The following FTCDNL1 variants were observed in gnomAD, a reference collection of about 807,000 sequenced individuals.
The protein encoded by FTCDNL1 is formiminotransferase cyclodeaminase N-terminal like.
A neutral mutation model predicts 5.9 loss-of-function variants in FTCDNL1; 11 were observed. The ratio of observed to expected loss-of-function variants is 1.87; its 90% CI spans 1.18 to 3.10. The LOEUF is 3.10. FTCDNL1 is among the 30% of genes most tolerant of loss of function. The pLI, the probability that FTCDNL1 is intolerant of heterozygous loss-of-function variation, is 0.00. For synonymous variants in FTCDNL1, 58 were observed against 24.8 expected (o/e 2.34, Z -3.99); for missense variants, 115 against 65.5 (o/e 1.76, Z -2.61).
At chr2:199,742,060 A>C in the FTCDNL1 span, among the ~76,000 whole-genome samples, 1 of 151,724 alleles carries the variant, frequency 6.6e-6, no homozygotes, top group African/African-American at 2.4e-5. Flanking sequence ...AGCAGACCCA[A>C]CTATTTGCTA....
the FTCDNL1 span, among the ~76,000 whole-genome samples, chr2:199,696,012 G>A: frequency 1.3e-5 from 2 of 152,204 alleles, no homozygotes; most frequent in Non-Finnish European, 2.9e-5. Flanking sequence ...AGCCTCAGGT[G>A]CCTAACTGGG....
the FTCDNL1 span, among the ~76,000 whole-genome samples, chr2:199,666,126 T>C: frequency 2.0e-5 from 3 of 152,342 alleles, no homozygotes; most frequent in African/African-American, 4.8e-5. Flanking sequence ...TAGGACCTAC[T>C]TCACAAGGAT....
At chr2:199,664,730 G>T in the FTCDNL1 span, among the ~76,000 whole-genome samples, 31 of 152,160 alleles carry the variant, frequency 2.0e-4, no homozygotes, top group Non-Finnish European at 3.5e-4. Context: ...AATTAATGGC[G>T]GAGCCAAGGC....
At chr2:199,705,700 G>A in the FTCDNL1 span, among the ~76,000 whole-genome samples, 4 of 152,170 alleles carry the variant, frequency 2.6e-5, no homozygotes, top group African/African-American at 9.6e-5. Flanking sequence ...GCTAGCTGTA[G>A]ATTGTGTGTA....
chr2:199,810,212 T>C lies in FTCDNL1; in HGVS notation c.*2493A>G, dbSNP rs1046603507. Among the ~76,000 whole-genome samples, 3 of 151,782 alleles carry C rather than the reference T, an allele frequency of 2.0e-5. No homozygotes were observed. Among genetic ancestry groups the C allele is most frequent in the Non-Finnish European group, 4.4e-5 (3 of 67,952 alleles). On this transcript the variant is annotated 3_prime_UTR_variant, in exon 5 of 5. Coordinates refer to ENST00000420128, the MANE Select transcript of FTCDNL1 (RefSeq NM_001363886.2). ...GGCCTAAGAGTCTCAGAGACAGGAG[T>C]AAATCACACCTCTGTACCCACCACT... is the stretch of plus-strand genomic sequence containing the variant.
chr2:199,725,315 A>G, the FTCDNL1 span, among the ~76,000 whole-genome samples: 3 of 152,274 alleles, frequency 2.0e-5, no homozygotes, highest in African/African-American at 4.8e-5. Context: ...CAGTACACCA[A>G]TGGGTCTTGA....
chr2:199,823,419 T>G (rs1282592035), intron 3 of FTCDNL1, among the ~76,000 whole-genome samples: 1 of 152,154 alleles, frequency 6.6e-6, no homozygotes, highest in Non-Finnish European at 1.5e-5. Flanking sequence ...TCCAGATCCA[T>G]CAGAGGAATC....
intron 3 of FTCDNL1, among the ~76,000 whole-genome samples, chr2:199,822,420 T>G (rs754088527): frequency 2.0e-5 from 3 of 152,016 alleles, no homozygotes; most frequent in Non-Finnish European, 4.4e-5. Flanking sequence ...AACCAAAAAC[T>G]TTTTTGCTAA....
chr2:199,700,290 C>T, the FTCDNL1 span, among the ~76,000 whole-genome samples: 1 of 152,148 alleles, frequency 6.6e-6, no homozygotes, highest in East Asian at 1.9e-4. Context: ...AGAATACAAT[C>T]CCATTTACAA....
At chr2:199,834,732 C>T in intron 3 of FTCDNL1, among the ~76,000 whole-genome samples, 1 of 152,212 alleles carries the variant, frequency 6.6e-6, no homozygotes, top group East Asian at 1.9e-4. Context: ...TATTATTTGT[C>T]ACGCTCTCCT....
intron 3 of FTCDNL1, among the ~76,000 whole-genome samples, chr2:199,783,763 C>A (rs1232531286): frequency 6.6e-6 from 1 of 151,970 alleles, no homozygotes; most frequent in East Asian, 1.9e-4. Context: ...TCTCTAGACA[C>A]ATTACATTGT....
At chr2:199,706,300 C>T in the FTCDNL1 span, among the ~76,000 whole-genome samples, 1 of 152,056 alleles carries the variant, frequency 6.6e-6, no homozygotes, top group South Asian at 2.1e-4. Flanking sequence ...GGGATGGAAA[C>T]CACAACATCC....
the FTCDNL1 span, among the ~76,000 whole-genome samples, chr2:199,696,554 C>T: frequency 6.6e-6 from 1 of 151,928 alleles, no homozygotes; most frequent in South Asian, 2.1e-4. Context: ...CCTTGGCCAC[C>T]TGAAATTGTG....
chr2:199,762,798 T>C lies in FTCDNL1; in HGVS notation c.212-1963A>G, dbSNP rs1002642919. Among the ~76,000 whole-genome samples the C allele has an allele frequency of 3.9e-5, 6 of 152,208 alleles. No homozygotes were observed. The East Asian group carries it at 1.2e-3, about 29-fold the overall frequency. On this transcript the variant is annotated intron_variant, in intron 3 of 3. Coordinates refer to the FTCDNL1 transcript ENST00000416668. ...TATCTATCATATAATTGTACATTTA[T>C]ATATAGTAGCATATTTCACCTTATA...
chr2:199,669,771 G>A, the FTCDNL1 span, among the ~76,000 whole-genome samples: 1 of 152,132 alleles, frequency 6.6e-6, no homozygotes, highest in African/African-American at 2.4e-5. Context: ...ATCCAGGAAT[G>A]AACTATTCTT....
the FTCDNL1 span, among the ~76,000 whole-genome samples, chr2:199,743,463 T>C: frequency 6.6e-6 from 1 of 152,278 alleles, no homozygotes; most frequent in African/African-American, 2.4e-5. Context: ...GTTATGCTTT[T>C]GTCTATCACT....
At chr2:199,781,841 G>A (rs575150613) in intron 3 of FTCDNL1, among the ~76,000 whole-genome samples, 21 of 152,026 alleles carry the variant, frequency 1.4e-4, no homozygotes, top group African/African-American at 3.9e-4. Flanking sequence ...ATGCAGTGGC[G>A]CCATCTCGGC....
At chr2:199,796,388 G>A (rs1700170743) in intron 3 of FTCDNL1, among the ~76,000 whole-genome samples, 1 of 151,982 alleles carries the variant, frequency 6.6e-6, no homozygotes, top group East Asian at 1.9e-4. Flanking sequence ...ACATCCAATG[G>A]ACTTATCCTC....
chr2:199,672,734 A>G, the FTCDNL1 span, among the ~76,000 whole-genome samples: 1 of 152,004 alleles, frequency 6.6e-6, no homozygotes, highest in Non-Finnish European at 1.5e-5. Context: ...TCTCTGCATC[A>G]GGGCAGCTCT....
Sources: gnomAD v4.1 joint callset for allele counts (sites outside exome capture counted in the v4.1 genomes callset) on GRCh38, gnomAD v4.1.1 for gene constraint, MANE v1.5 for transcripts, NCBI Gene and HGNC (gene_info 2026-07-23, HGNC 2026-07-21) for gene names.